Variants in MOB1B observed in about 807,000 individuals in gnomAD.
MOB1B encodes the protein MOB1 Mps One Binder homolog B.
Under a neutral mutation model 24.4 loss-of-function variants are expected in MOB1B, and 19 were observed. The ratio of observed to expected loss-of-function variants is 0.78; its 90% confidence interval spans 0.54 to 1.14. The LOEUF is 1.14. Ranked by LOEUF, MOB1B falls within the 50% of genes most tolerant of loss-of-function variation. The pLI, the probability that MOB1B is intolerant of heterozygous loss-of-function variation, is 0.00. For synonymous variants in MOB1B, 76 were observed against 82.1 expected, an observed-to-expected ratio of 0.93 and a Z score of 0.40; for missense variants, 243 against 259.6, an observed-to-expected ratio of 0.94 and a Z score of 0.44.
intron 1 of MOB1B, among the ~76,000 whole-genome samples, chr4:70,914,854 C>T (rs1182199270): frequency 1.3e-5 from 2 of 152,180 alleles, no homozygotes; most frequent in Non-Finnish European, 2.9e-5. Flanking sequence ...TGCCCCACCT[C>T]CTCTCCTTGG....
intron 1 of MOB1B, among the ~76,000 whole-genome samples, chr4:70,925,105 G>A (rs971932235): frequency 6.6e-6 from 1 of 151,986 alleles, no homozygotes; most frequent in Non-Finnish European, 1.5e-5. Context: ...GTGCAATGGC[G>A]CAATCTGGGC....
rs575145123 is a variant in MOB1B, at chr4:70,954,062, C to A, written c.15-4812C>A. On this transcript the variant is annotated intron_variant, in intron 1 of 5. Transcript: ENST00000309395. ...CTGAACCTTTCAGCGTAGCACCCCC[C>A]CAAAAAAAGAAACCCAGAAATTAAA... is the stretch of plus-strand genomic sequence containing the variant. Among the ~76,000 whole-genome samples the A allele has an allele frequency of 3.2e-4, 48 of 152,178 alleles. 1 individual carries two copies. The highest frequency in any genetic ancestry group is 2.7e-3 in the Admixed American group (42 of 15,286).
chr4:70,903,202 C>T (rs1469360877), intron 1 of MOB1B, among the ~76,000 whole-genome samples: 2 of 152,148 alleles, frequency 1.3e-5, no homozygotes, highest in Non-Finnish European at 2.9e-5. Context: ...AGAGGACTTC[C>T]CTGAAGAGGA....
chr4:70,910,231 G>A (rs1167754812), intron 1 of MOB1B, among the ~76,000 whole-genome samples: 3 of 151,596 alleles, frequency 2.0e-5, no homozygotes, highest in African/African-American at 7.3e-5. Context: ...AGTAGAGATG[G>A]GGTTTTGCCG....
At chr4:70,976,068 T>G (rs1015299760) in intron 4 of MOB1B, 1 of 333,702 alleles carries the variant, frequency 3.0e-6, no homozygotes, top group Non-Finnish European at 4.3e-6. Context: ...CCCAGCTAAT[T>G]TTTTTGCATT....
chr4:70,902,723 A>G (rs1735567290), intron 1 of MOB1B, among the ~76,000 whole-genome samples, 173 bp downstream of exon 1: 1 of 151,508 alleles, frequency 6.6e-6, no homozygotes, highest in Non-Finnish European at 1.5e-5. Context: ...CGGACTACCT[A>G]ACCGCCGCCT....
At chr4:70,950,806 T>C in intron 1 of MOB1B, 1 of 1,512,478 alleles carries the variant, frequency 6.6e-7, no homozygotes, top group South Asian at 1.2e-5. Flanking sequence ...CTGATGTGAA[T>C]GAAAGGTTAG....
intron 4 of MOB1B, chr4:70,976,341 A>G (rs1738996668): frequency 6.1e-6 from 6 of 985,192 alleles, no homozygotes; most frequent in Non-Finnish European, 7.2e-6. Flanking sequence ...ATTTAGTAAT[A>G]TATTTGTGAT....
intron 1 of MOB1B, among the ~76,000 whole-genome samples, chr4:70,920,273 TCTC>T (rs1736374951): frequency 1.3e-5 from 2 of 151,992 alleles, no homozygotes; most frequent in South Asian, 2.1e-4. Context: ...TCCTTCTCCT[TCTC>T]CTTCAACAGT....
chr4:70,963,035 C>T (rs1432294332), intron 2 of MOB1B, among the ~76,000 whole-genome samples: 1 of 151,950 alleles, frequency 6.6e-6, no homozygotes, highest in Non-Finnish European at 1.5e-5. Context: ...ATTTAAAATT[C>T]TGCTCTGTGA....
chr4:70,957,144 C>A (rs1359648905), intron 1 of MOB1B, among the ~76,000 whole-genome samples: 10 of 128,502 alleles, frequency 7.8e-5, no homozygotes, highest in African/African-American at 3.0e-4. Context: ...TTCATATGTT[C>A]AAATGCCTAG....
intron 2 of MOB1B, among the ~76,000 whole-genome samples, chr4:70,961,402 G>A (rs1335079266): frequency 6.6e-6 from 1 of 152,128 alleles, no homozygotes; most frequent in Non-Finnish European, 1.5e-5. Flanking sequence ...ATTTCATCAC[G>A]TTACTCAGAA....
At chr4:70,920,445 G>C (rs760455971) in intron 1 of MOB1B, among the ~76,000 whole-genome samples, 1 of 152,142 alleles carries the variant, frequency 6.6e-6, no homozygotes, top group Non-Finnish European at 1.5e-5. Flanking sequence ...GGCTGGTCTC[G>C]TACTCCTGAC....
At chr4:70,949,191 A>G (rs1004208182) in intron 1 of MOB1B, among the ~76,000 whole-genome samples, 2 of 152,198 alleles carry the variant, frequency 1.3e-5, no homozygotes, top group Admixed American at 6.5e-5. Context: ...AACTGCGGAT[A>G]GCAGATAGTG....
chr4:70,922,105 G>A (rs984091130), intron 1 of MOB1B, among the ~76,000 whole-genome samples: 2 of 152,018 alleles, frequency 1.3e-5, no homozygotes, highest in South Asian at 2.1e-4. Flanking sequence ...ACAGAATTAC[G>A]TGTTAACTAA....
At chr4:70,955,463 CCTT>C (rs1165109956) in intron 1 of MOB1B, among the ~76,000 whole-genome samples, 3 of 131,976 alleles carry the variant, frequency 2.3e-5, no homozygotes, top group South Asian at 2.5e-4. Context: ...AAGTATGTGT[CCTT>C]TTTTTTTTTT....
chr4:70,979,282 T>C lies in MOB1B; in HGVS notation c.564T>C (p.Phe188=), dbSNP rs1739113075. Residue 188 remains phenylalanine (F), a synonymous_variant, in exon 5 of 6, where the codon TTT becomes TTC. Coordinates refer to ENST00000309395, the MANE Select transcript of MOB1B (RefSeq NM_173468.4). ...HLNTSFKHFI[F]FVQEFNLIDR... ...ATACATCTTTCAAGCACTTTATTTT[T>C]TTTGTCCAGGTAAGTTGGATTAGGA... 2 of 1,612,976 alleles carry C rather than the reference T, an allele frequency of 1.2e-6. No individual in the cohort carries two copies.
intron 1 of MOB1B, among the ~76,000 whole-genome samples, chr4:70,954,946 C>T (rs1189303193): frequency 6.6e-6 from 1 of 151,900 alleles, no homozygotes; most frequent in African/African-American, 2.4e-5. Context: ...CCATGACACC[C>T]AGCTAATTTT....
intron 1 of MOB1B, among the ~76,000 whole-genome samples, chr4:70,904,066 T>A (rs1735639610): frequency 8.0e-6 from 1 of 125,786 alleles, no homozygotes; most frequent in Admixed American, 1.1e-4. Context: ...CACTGCAACC[T>A]CTGCCTCCCG....
Sources: allele counts gnomAD v4.1 joint callset (sites outside exome capture counted in the v4.1 genomes callset), GRCh38; gene constraint gnomAD v4.1.1; transcripts MANE v1.5; gene names NCBI Gene and HGNC (gene_info 2026-07-23, HGNC 2026-07-21).